Variants in CSMD1 observed in about 807,000 individuals in gnomAD.
CSMD1 encodes CUB and Sushi multiple domains 1.
A neutral mutation model predicts 417.5 loss-of-function variants in CSMD1; 213 were observed. The observed-to-expected ratio is 0.51, with a 90% CI of 0.46 to 0.57. The LOEUF (loss-of-function observed/expected upper bound fraction) is 0.57. Among genes scored for constraint, CSMD1 ranks in the 20% least tolerant of loss-of-function variants. The pLI is 0.00. For missense variants in CSMD1, 6,923 were observed against 4,529.7 expected (o/e 1.53, Z -15.17); for synonymous variants, 2,862 against 1,736.8 (o/e 1.65, Z -16.11).
chr8:4,082,862 G>C (rs995229880), intron 3 of CSMD1, among the ~76,000 whole-genome samples: 2 of 148,190 alleles, frequency 1.3e-5, no homozygotes, highest in African/African-American at 2.5e-5. Flanking sequence ...GGAACATGCG[G>C]TGTTTGGTTT....
rs1307218164 is a variant in CSMD1 at position 4,211,068 on chromosome 8, A to G, written c.416-178969T>C. 3.3e-5 allele frequency among the ~76,000 whole-genome samples: 5 copies of G among 152,322 alleles called. No individual in the cohort carries two copies. In the East Asian group the frequency reaches 7.7e-4, roughly 24 times the overall value. ...ACACATTTCCTTCCTTAAGAAATTC[A>G]TGTTCACATATCATTGTACATTACA... On this transcript the variant is annotated intron_variant, in intron 3 of 69. Transcript: ENST00000635120.
chr8:3,934,089 A>G (rs762908375), intron 5 of CSMD1, among the ~76,000 whole-genome samples: 1 of 152,164 alleles, frequency 6.6e-6, no homozygotes, highest in Non-Finnish European at 1.5e-5. Flanking sequence ...TTTCTTTTCT[A>G]AGGAATGTTT....
chr8:3,696,357 T>C lies in CSMD1; in HGVS notation c.1009+12057A>G, dbSNP rs959158252. Among the ~76,000 whole-genome samples, 9 of 152,348 alleles carry C rather than the reference T, an allele frequency of 5.9e-5. No homozygotes were observed. The South Asian group carries it at 1.2e-3, about 21-fold the overall frequency. On this transcript the variant is annotated intron_variant, in intron 7 of 69. Transcript: ENST00000635120. ...AATTACCCAATGTGTTCACCTTGGC[T>C]TATCTCTTTGACTTGTCGTATACTT... is the stretch of plus-strand genomic sequence containing the variant.
intron 1 of CSMD1, among the ~76,000 whole-genome samples, chr8:4,729,841 C>T (rs1388495452): frequency 6.6e-6 from 1 of 152,294 alleles, no homozygotes. Flanking sequence ...AGCAAAGATA[C>T]TCCTAAGTCC....
rs181168765 is a variant in CSMD1 at position 3,056,718 on chromosome 8, T to C, written c.7475-4071A>G. ...TTAAGTATTTCCAATGTAAGAATTT[T>C]TTATTAAAGATACGTATTTATATGA... On this transcript the variant is annotated intron_variant, in intron 49 of 69. Transcript: ENST00000635120. Among the ~76,000 whole-genome samples the C allele has an allele frequency of 2.1e-4, 30 of 146,094 alleles. 1 individual carries two copies. The highest frequency in any genetic ancestry group is 1.9e-3 in the Admixed American group (29 of 15,042).
intron 26 of CSMD1, among the ~76,000 whole-genome samples, chr8:3,277,522 G>A (rs1295532385): frequency 6.6e-6 from 1 of 152,008 alleles, no homozygotes; most frequent in Non-Finnish European, 1.5e-5. Flanking sequence ...TCTCTGTGTG[G>A]TGTGAGATCT....
intron 5 of CSMD1, among the ~76,000 whole-genome samples, chr8:3,948,120 T>A (rs761879597): frequency 6.6e-6 from 1 of 152,088 alleles, no homozygotes; most frequent in African/African-American, 2.4e-5. Context: ...GCAGGATAAC[T>A]GCTTTAACCG....
At chr8:3,822,493 G>A (rs918307538) in intron 5 of CSMD1, among the ~76,000 whole-genome samples, 1 of 152,188 alleles carries the variant, frequency 6.6e-6, no homozygotes, top group African/African-American at 2.4e-5. Flanking sequence ...ATAGACAAGA[G>A]CTGCTAGGTA....
intron 5 of CSMD1, among the ~76,000 whole-genome samples, chr8:3,942,486 T>G (rs966661794): frequency 6.6e-6 from 1 of 152,130 alleles, no homozygotes; most frequent in African/African-American, 2.4e-5. Context: ...GATGCCTGGA[T>G]GAGCAATTTA....
At chr8:3,356,027 T>C (rs1384599258) in intron 21 of CSMD1, among the ~76,000 whole-genome samples, 1 of 152,190 alleles carries the variant, frequency 6.6e-6, no homozygotes, top group African/African-American at 2.4e-5. Flanking sequence ...ATCTCTTTCA[T>C]TTCAAAGTGA....
At chr8:3,114,194 T>C (rs1203130336) in intron 42 of CSMD1, among the ~76,000 whole-genome samples, 1 of 152,156 alleles carries the variant, frequency 6.6e-6, no homozygotes, top group East Asian at 1.9e-4. Flanking sequence ...CAGTGAGCAG[T>C]GATTGCACCA....
chr8:4,371,055 C>T (rs11136735), intron 3 of CSMD1, among the ~76,000 whole-genome samples: 3 of 152,078 alleles, frequency 2.0e-5, no homozygotes, highest in Non-Finnish European at 2.9e-5. Flanking sequence ...GAAGGCTAAT[C>T]ATCATTTCCC....
intron 54 of CSMD1, among the ~76,000 whole-genome samples, chr8:2,981,481 TAA>T (rs1350242073): frequency 6.6e-6 from 1 of 152,144 alleles, no homozygotes; most frequent in Non-Finnish European, 1.5e-5. Flanking sequence ...CAGAAAGAAA[TAA>T]AGAGGCTCAC....
chr8:3,710,742 C>T (rs13273563), intron 6 of CSMD1, among the ~76,000 whole-genome samples: 85,276 of 151,986 alleles, frequency 0.56, 24,048 homozygotes, highest in Admixed American at 0.63. Context: ...TCCAACCTTC[C>T]AAAAGCCATC....
chr8:3,781,611 A>G (rs1017140829), intron 5 of CSMD1, among the ~76,000 whole-genome samples: 7 of 152,224 alleles, frequency 4.6e-5, no homozygotes. Context: ...ACAGTCTCAC[A>G]TACCATCAAG....
intron 7 of CSMD1, among the ~76,000 whole-genome samples, chr8:3,650,390 AAATT>A (rs1797792186): frequency 1.3e-5 from 2 of 152,200 alleles, no homozygotes; most frequent in Non-Finnish European, 2.9e-5. Context: ...TAATTAGGGA[AAATT>A]ATGACATGGC....
intron 7 of CSMD1, among the ~76,000 whole-genome samples, chr8:3,618,566 A>G (rs916017751): frequency 6.6e-6 from 1 of 152,030 alleles, no homozygotes; most frequent in African/African-American, 2.4e-5. Context: ...AATTTTCTCA[A>G]TATTATATCA....
intron 7 of CSMD1, among the ~76,000 whole-genome samples, chr8:3,695,223 T>C (rs1452824181): frequency 1.3e-5 from 2 of 152,012 alleles, no homozygotes; most frequent in African/African-American, 4.8e-5. Context: ...ATAGATGCAA[T>C]AAACGCTGGA....
At chr8:4,479,928 T>A (rs1800997890) in intron 2 of CSMD1, among the ~76,000 whole-genome samples, 1 of 149,476 alleles carries the variant, frequency 6.7e-6, no homozygotes, top group Non-Finnish European at 1.5e-5. Flanking sequence ...ATGGAGCCAC[T>A]GCATTCCAGC....
Sources: gnomAD v4.1 joint callset for allele counts (sites outside exome capture counted in the v4.1 genomes callset) on GRCh38, gnomAD v4.1.1 for gene constraint, MANE v1.5 for transcripts, NCBI Gene and HGNC (gene_info 2026-07-23, HGNC 2026-07-21) for gene names.